ATN1: variants seen among roughly 807,000 people sequenced by gnomAD.
ATN1 encodes atrophin-1.
Under a neutral mutation model 85.8 loss-of-function variants are expected in ATN1, and 19 were observed. The ratio of observed to expected loss-of-function variants is 0.22; its 90% CI spans 0.15 to 0.32. ATN1 has a LOEUF of 0.32. ATN1 is among the 10% of genes least tolerant of loss of function. ATN1 has a pLI of 1.00. For synonymous variants in ATN1, 674 were observed against 657.0 expected, an observed-to-expected ratio of 1.03 and a Z score of -0.39; for missense variants, 1,453 against 1,564.5, an observed-to-expected ratio of 0.93 and a Z score of 1.20.
In ATN1 at chr12:6,942,304, C is replaced by T. The variant is rs192626870; in HGVS notation, c.*524C>T. 1 of 154,132 alleles carries T rather than the reference C, an allele frequency of 6.5e-6. No individual in the cohort carries two copies. Among genetic ancestry groups the T allele is most frequent in the Non-Finnish European group, 1.5e-5 (1 of 68,962 alleles). 9.5% of individuals were successfully genotyped at this position (154,132 alleles called of 1,614,324 possible). A position where few individuals can be genotyped will look rare whatever the true frequency, so the allele number is the denominator to read the frequency against. On this transcript the variant is annotated 3_prime_UTR_variant, in exon 10 of 10. Coordinates refer to ENST00000396684, the MANE Select transcript of ATN1 (RefSeq NM_001940.4). ...CCAAAACCAACCAAACAAAAACATC[C>T]TCACAACTCCCCAGGAACATGGCTG... is the stretch of plus-strand genomic sequence containing the variant.
chr12:6,927,136 C>T (rs2138197425), upstream of ATN1, among the ~76,000 whole-genome samples: 1 of 151,286 alleles, frequency 6.6e-6, no homozygotes, highest in South Asian at 2.1e-4. Context: ...ATCCCCCCAC[C>T]CCCAATTCTT....
Position 6,934,535 on chromosome 12 carries a change from G to A in ATN1, c.236G>A (p.Ser79Asn). Residue 79 changes from serine to asparagine, a missense_variant, in exon 4 of 10, where the codon AGT (serine) becomes AAT (asparagine). Ser to Asn is a conservative substitution (Grantham distance 46). Around this residue, in one of 6 missense-constraint regions of ATN1, gnomAD observed 130 missense variants for 158.2 expected, o/e 0.82. Transcript: ENST00000396684. The surrounding 1 kb of genome is among the most constrained non-coding windows in gnomAD (Gnocchi z 4.5). Reference protein sequence around the residue: ...KQGRSEEISESESEETNAPKK... With the variant: ...KQGRSEEISENESEETNAPKK... ...GGTCGGAGTGAGGAGATCTCAGAGAGTGAAAGTGAGGAGACCAATGCACCA... is the reference window on the plus strand; with the variant it reads ...GGTCGGAGTGAGGAGATCTCAGAGAATGAAAGTGAGGAGACCAATGCACCA... 6.3e-7 allele frequency: 1 copy of A among 1,577,208 alleles called. No homozygotes were observed. The highest frequency in any genetic ancestry group is 8.6e-7 in the Non-Finnish European group (1 of 1,160,718).
Position 6,934,475 on chromosome 12 carries a change from T to C in ATN1, c.176T>C (p.Val59Ala), listed in dbSNP as rs369331362. The change falls in exon 4 of 10, where the codon GTA becomes GCA. Residue 59 changes from valine to alanine, a missense_variant. Coordinates refer to ENST00000396684, the MANE Select transcript of ATN1 (RefSeq NM_001940.4). The surrounding 1 kb of genome is among the most constrained non-coding windows in gnomAD (Gnocchi z 4.5). ...CTTTCTCTCTAACAGAAGGCCCGAG[T>C]AGAGGAAGCCTCCACCCCAAAGGTC... is the stretch of plus-strand genomic sequence containing the variant. Reference protein sequence around the residue: ...KSRQTAKKARVEEASTPKVNK... With the variant: ...KSRQTAKKARAEEASTPKVNK... 3 of 1,592,044 alleles carry C rather than the reference T, an allele frequency of 1.9e-6. No individual in the cohort carries two copies. Among genetic ancestry groups the C allele is most frequent in the Non-Finnish European group, 2.6e-6 (3 of 1,169,032 alleles).
chr12:6,937,814 C>T lies in ATN1; in HGVS notation c.2295-31C>T, dbSNP rs1414619562. On this transcript the variant is annotated intron_variant, in intron 5 of 9. Coordinates refer to ENST00000396684, the MANE Select transcript of ATN1 (RefSeq NM_001940.4). This position sits in a 1 kb window ranked among gnomAD's most constrained non-coding sequence, Gnocchi z 6.0. Reference sequence around the variant, plus strand: ...GGGCTCCATCGGGCAGCTCGCACCGCCTGAGCGCCCGCTGCTTCCACGCCC... The same window carrying T: ...GGGCTCCATCGGGCAGCTCGCACCGTCTGAGCGCCCGCTGCTTCCACGCCC... 26 of 1,526,034 alleles carry T rather than the reference C, an allele frequency of 1.7e-5. No individual in the cohort carries two copies. In the Admixed American group the frequency reaches 5.6e-4, roughly 33 times the overall value. 94.5% of individuals were successfully genotyped at this position (1,526,034 alleles called of 1,614,324 possible).
intron 1 of ATN1, among the ~76,000 whole-genome samples, 192 bp from the exon 2 acceptor site, chr12:6,933,648 G>A (rs1040806090): frequency 1.6e-4 from 24 of 152,162 alleles, no homozygotes; most frequent in Admixed American, 8.5e-4. Flanking sequence ...ATTATACTTC[G>A]AGCAGAATCT....
rs782052356 is a variant in ATN1, at chr12:6,936,962, C to T, written c.1695C>T (p.Gly565=). 2.5e-6 allele frequency: 4 copies of T among 1,613,748 alleles called. No homozygotes were observed. In the East Asian group the frequency reaches 8.9e-5, roughly 36 times the overall value. Residue 565 remains glycine, a synonymous_variant, in exon 5 of 10, where the codon GGC becomes GGT. Transcript: ENST00000396684. ...CCTACAGCCAAGCAGGCCCCAATGG[C>T]CCTCCAGTCTCTTCCTCTTCCAACT... The part of the protein sequence containing the change: ...QVSYSQAGPN[G]PPVSSSSNSS...
At chr12:6,928,985 G>C (rs927184132) in intron 1 of ATN1, among the ~76,000 whole-genome samples, 1 of 152,176 alleles carries the variant, frequency 6.6e-6, no homozygotes, top group African/African-American at 2.4e-5. Context: ...TTTTTGAGAA[G>C]AGCCGGAGGT....
In ATN1 at chr12:6,941,444, GCA is replaced by G; in HGVS notation, c.3431_3432del (p.His1144ArgfsTer5). On this transcript the variant is annotated frameshift_variant, in exon 9 of 10. Coordinates refer to ENST00000396684, the MANE Select transcript of ATN1 (RefSeq NM_001940.4). LOFTEE classifies it high-confidence loss of function. The surrounding 1 kb of genome is among the most constrained non-coding windows in gnomAD (Gnocchi z 5.9). ...MSAAHQLQAM[H>X]AQSAELQRLA... is the part of the protein sequence containing the mutation. ...CAGCAGCTCATCAGCTGCAGGCCATGCACGCACAGTCAGCTGAGCTGCAGCGC... is the reference window on the plus strand; with the variant it reads ...CAGCAGCTCATCAGCTGCAGGCCATGCGCACAGTCAGCTGAGCTGCAGCGC... 6.2e-7 allele frequency: 1 copy of G among 1,612,836 alleles called. No individual in the cohort carries two copies. The highest frequency in any genetic ancestry group is 8.5e-7 in the Non-Finnish European group (1 of 1,179,844).
Position 6,937,671 on chromosome 12 carries a change from A to G in ATN1, c.2294+110A>G. The G allele has an allele frequency of 7.0e-7, 1 of 1,428,852 alleles. No homozygotes were observed. 88.5% of individuals were successfully genotyped at this position (1,428,852 alleles called of 1,614,324 possible). A position where few individuals can be genotyped will look rare whatever the true frequency, so the allele number is the denominator to read the frequency against. On this transcript the variant is annotated intron_variant, in intron 5 of 9. Coordinates refer to ENST00000396684, the MANE Select transcript of ATN1 (RefSeq NM_001940.4). This position sits in a 1 kb window ranked among gnomAD's most constrained non-coding sequence, Gnocchi z 6.0. ...CTTGCGCTGGTGTAGTGTTTTAGAA[A>G]AGCACGCCCCTCTCCTCCGTCCAGG...
At chr12:6,931,918 C>G (rs1945470701) in intron 1 of ATN1, among the ~76,000 whole-genome samples, 1 of 150,022 alleles carries the variant, frequency 6.7e-6, no homozygotes, top group Non-Finnish European at 1.5e-5. Context: ...GCCTGTAATC[C>G]CAGCTATTCA....
rs1555143368 is a variant in ATN1, at chr12:6,934,610, C to G, written c.279+32C>G. On this transcript the variant is annotated intron_variant, in intron 4 of 9. Coordinates refer to ENST00000396684, the MANE Select transcript of ATN1 (RefSeq NM_001940.4). This position sits in a 1 kb window ranked among gnomAD's most constrained non-coding sequence, Gnocchi z 4.5. Reference sequence around the variant, plus strand: ...AACCCTTGTCGCCATCCTGACCCATCTTGTGACCATTCTTTTCTCAGACTT... The same window carrying G: ...AACCCTTGTCGCCATCCTGACCCATGTTGTGACCATTCTTTTCTCAGACTT... 1 of 1,461,304 alleles carries G rather than the reference C, an allele frequency of 6.8e-7. No individual in the cohort carries two copies. Among genetic ancestry groups the G allele is most frequent in the Non-Finnish European group, 9.4e-7 (1 of 1,064,532 alleles). 90.5% of individuals were successfully genotyped at this position (1,461,304 alleles called of 1,614,324 possible).
rs1460178784 is a variant in ATN1 at position 6,934,093 on chromosome 12, GAGA to G, written c.27+73_28-73del. ...CAGGCAAGCTAGGAGGAAGGGTCTA[GAGA>G]AGAAGAACAAATAATGTGCACCATA... is the stretch of plus-strand genomic sequence containing the variant. On this transcript the variant is annotated intron_variant, in intron 2 of 9. Coordinates refer to ENST00000396684, the MANE Select transcript of ATN1 (RefSeq NM_001940.4). This position sits in a 1 kb window ranked among gnomAD's most constrained non-coding sequence, Gnocchi z 4.5. 81 of 1,613,042 alleles carry G rather than the reference GAGA, an allele frequency of 5.0e-5. No individual in the cohort carries two copies. In the Middle Eastern group the frequency reaches 1.2e-3, roughly 23 times the overall value.
At chr12:6,933,201 T>C (rs758946613) in intron 1 of ATN1, among the ~76,000 whole-genome samples, 29 of 152,144 alleles carry the variant, frequency 1.9e-4, no homozygotes, top group Non-Finnish European at 4.1e-4. Flanking sequence ...AAATTCATAC[T>C]TCAATGTCAT....
chr12:6,936,915 C>T lies in ATN1; in HGVS notation c.1648C>T (p.Pro550Ser). 6.2e-7 allele frequency: 1 copy of T among 1,614,028 alleles called. No individual in the cohort carries two copies. ...CTACCCACCAGGGCCAGCACACCTG[C>T]CCCCACCTCACAGCCAGGTGTCCTA... ...RPYPPGPAHL[P>S]PPHSQVSYSQ... Residue 550 changes from proline (P) to serine (S), a missense_variant, in exon 5 of 10, where the codon CCC becomes TCC. This residue lies in a region of ATN1 where 990 missense variants were observed against 914.8 expected (regional missense o/e 1.08). Transcript: ENST00000396684.
chr12:6,941,651 G>A lies in ATN1; in HGVS notation c.3540-96G>A. 6.3e-7 allele frequency: 1 copy of A among 1,591,968 alleles called. No homozygotes were observed. The highest frequency in any genetic ancestry group is 8.6e-7 in the Non-Finnish European group (1 of 1,160,674). On this transcript the variant is annotated intron_variant, in intron 9 of 9. Coordinates refer to ENST00000396684, the MANE Select transcript of ATN1 (RefSeq NM_001940.4). The surrounding 1 kb of genome is among the most constrained non-coding windows in gnomAD (Gnocchi z 5.9). ...CTGGGCACCGTGCTCCTGGGGGAGG[G>A]AACCCCTCCTCTCCCAACCCCTTCG...
In ATN1 at chr12:6,937,777, C is replaced by T. The variant is rs1277833903; in HGVS notation, c.2295-68C>T. 4 of 1,474,272 alleles carry T rather than the reference C, an allele frequency of 2.7e-6. No homozygotes were observed. The African/African-American group carries it at 4.3e-5, about 16-fold the overall frequency. 91.3% of individuals were successfully genotyped at this position (1,474,272 alleles called of 1,614,324 possible). A position where few individuals can be genotyped will look rare whatever the true frequency, so the allele number is the denominator to read the frequency against. ...CGGGGGCTACAAGCACTCGCCGGGGCCGCGGCGCTGCGGGCTCCATCGGGC... is the reference window on the plus strand; with the variant it reads ...CGGGGGCTACAAGCACTCGCCGGGGTCGCGGCGCTGCGGGCTCCATCGGGC... On this transcript the variant is annotated intron_variant, in intron 5 of 9. Coordinates refer to ENST00000396684, the MANE Select transcript of ATN1 (RefSeq NM_001940.4). This position sits in a 1 kb window ranked among gnomAD's most constrained non-coding sequence, Gnocchi z 6.0.
At position 6,941,601 on chromosome 12, in the gene ATN1, G is replaced by C. The variant is rs1161794759; in HGVS notation, c.3539+47G>C. ...CAGGGGACATGGGCTCAGCGAGCCT[G>C]GGAGGAGCTGTGGGCATGGTACGGC... On this transcript the variant is annotated intron_variant, in intron 9 of 9. Coordinates refer to ENST00000396684, the MANE Select transcript of ATN1 (RefSeq NM_001940.4). The surrounding 1 kb of genome is among the most constrained non-coding windows in gnomAD (Gnocchi z 5.9). 1.2e-6 allele frequency: 2 copies of C among 1,608,602 alleles called. No individual in the cohort carries two copies. The highest frequency in any genetic ancestry group is 1.7e-6 in the Non-Finnish European group (2 of 1,176,294).
chr12:6,937,010 G>A lies in ATN1; in HGVS notation c.1743G>A (p.Gly581=). ...ACTCTTCCTCTTCCACTTCTCAAGG[G>A]TCCTACCCATGTTCACACCCCTCCC... ...SSNSSSSTSQ[G]SYPCSHPSPS... is the part of the protein sequence containing the mutation. Residue 581 remains glycine, a synonymous_variant, in exon 5 of 10, where the codon GGG becomes GGA. Transcript: ENST00000396684. The surrounding 1 kb of genome is among the most constrained non-coding windows in gnomAD (Gnocchi z 6.0). 6.2e-7 allele frequency: 1 copy of A among 1,613,678 alleles called. No individual in the cohort carries two copies.
Position 6,934,581 on chromosome 12 carries a change from G to A in ATN1, c.279+3G>A, listed in dbSNP as rs148382908. On this transcript the variant is annotated splice_donor_region_variant and intron_variant, in intron 4 of 9. Transcript: ENST00000396684. This position sits in a 1 kb window ranked among gnomAD's most constrained non-coding sequence, Gnocchi z 4.5. ...CACCAAAAAAGACCAAAACTGAGGTGGGAAACCCTTGTCGCCATCCTGACC... is the reference window on the plus strand; with the variant it reads ...CACCAAAAAAGACCAAAACTGAGGTAGGAAACCCTTGTCGCCATCCTGACC... The A allele has an allele frequency of 2.8e-4, 433 of 1,551,962 alleles. No individual in the cohort carries two copies. The African/African-American group carries it at 4.7e-3, about 17-fold the overall frequency.
Sources: gnomAD v4.1 joint callset for allele counts (sites outside exome capture counted in the v4.1 genomes callset) on GRCh38, gnomAD v4.1.1 for gene constraint, gnomAD v4.1.1 regional missense constraint, Gnocchi (gnomAD v3.1) non-coding constraint, MANE v1.5 for transcripts, NCBI Gene and HGNC (gene_info 2026-07-23, HGNC 2026-07-21) for gene names.